GXYLT1: variants seen among roughly 807,000 people sequenced by gnomAD.
GXYLT1 encodes the protein glycosyltransferase 8 domain containing 3.
A neutral mutation model predicts 54.0 loss-of-function variants in GXYLT1; 29 were observed. The ratio of observed to expected loss-of-function variants is 0.54; its 90% confidence interval spans 0.40 to 0.73. The LOEUF (loss-of-function observed/expected upper bound fraction) is 0.73. Ranked by LOEUF, GXYLT1 falls within the 30% of genes least tolerant of loss-of-function variation. The pLI is 0.00. For synonymous variants in GXYLT1, 176 were observed against 204.1 expected, an observed-to-expected ratio of 0.86 and a Z score of 1.17; for missense variants, 490 against 553.4, an observed-to-expected ratio of 0.89 and a Z score of 1.15.
intron 2 of GXYLT1, among the ~76,000 whole-genome samples, chr12:42,122,627 A>C (rs1267249085): frequency 2.0e-5 from 3 of 152,272 alleles, no homozygotes; most frequent in African/African-American, 7.2e-5. Flanking sequence ...TCAAAAAATG[A>C]TATTAAATAA....
chr12:42,105,241 C>G (rs762626181), intron 5 of GXYLT1, among the ~76,000 whole-genome samples: 19 of 152,204 alleles, frequency 1.2e-4, no homozygotes, highest in Non-Finnish European at 2.1e-4. Flanking sequence ...AATAGTCTGA[C>G]TTTTCTACTG....
intron 5 of GXYLT1, among the ~76,000 whole-genome samples, chr12:42,099,314 G>A (rs1215871324): frequency 6.6e-6 from 1 of 152,134 alleles, no homozygotes; most frequent in Non-Finnish European, 1.5e-5. Context: ...AGCCAGCACA[G>A]TAAATGGTTT....
intron 3 of GXYLT1, among the ~76,000 whole-genome samples, chr12:42,117,689 C>T (rs2065505203): frequency 6.6e-6 from 1 of 152,148 alleles, no homozygotes; most frequent in Non-Finnish European, 1.5e-5. Flanking sequence ...CATCTCAGAA[C>T]AAAAGGTAGT....
At chr12:42,091,357 C>T (rs2065328273) in intron 7 of GXYLT1, among the ~76,000 whole-genome samples, 1 of 151,966 alleles carries the variant, frequency 6.6e-6, no homozygotes, top group African/African-American at 2.4e-5. Context: ...AAGGTACACA[C>T]TTATAAACCA....
intron 1 of GXYLT1, among the ~76,000 whole-genome samples, chr12:42,130,071 T>C (rs1238208344): frequency 2.6e-5 from 4 of 152,208 alleles, no homozygotes; most frequent in African/African-American, 4.8e-5. Context: ...TAGACTATAC[T>C]ATAGATTGGG....
chr12:42,129,589 T>C (rs926470520), intron 2 of GXYLT1, among the ~76,000 whole-genome samples, 170 bp downstream of exon 2: 1 of 152,022 alleles, frequency 6.6e-6, no homozygotes, highest in Admixed American at 6.6e-5. Flanking sequence ...CAGTATGTAC[T>C]AAAAAATAGC....
chr12:42,115,644 T>C (rs1463589829), intron 3 of GXYLT1, among the ~76,000 whole-genome samples: 2 of 151,892 alleles, frequency 1.3e-5, no homozygotes, highest in African/African-American at 2.4e-5. Context: ...TACAAACAAA[T>C]GGAAGAACAT....
intron 2 of GXYLT1, among the ~76,000 whole-genome samples, chr12:42,121,021 C>T (rs986172929): frequency 6.6e-6 from 1 of 152,138 alleles, no homozygotes; most frequent in African/African-American, 2.4e-5. Flanking sequence ...AAAGAGGGGA[C>T]ATGAATCCAG....
At chr12:42,134,137 C>A (rs1315297884) in intron 1 of GXYLT1, among the ~76,000 whole-genome samples, 4 of 151,784 alleles carry the variant, frequency 2.6e-5, no homozygotes, top group African/African-American at 9.7e-5. Flanking sequence ...GAGTTTGAGG[C>A]TACAGTGAAT....
intron 5 of GXYLT1, among the ~76,000 whole-genome samples, chr12:42,105,506 G>T (rs1355413366): frequency 6.6e-6 from 1 of 152,090 alleles, no homozygotes; most frequent in African/African-American, 2.4e-5. Flanking sequence ...TGTATTCTAT[G>T]AATGTACAAC....
chr12:42,123,674 T>C (rs1478449912), intron 2 of GXYLT1, among the ~76,000 whole-genome samples: 3 of 152,116 alleles, frequency 2.0e-5, no homozygotes, highest in Admixed American at 6.5e-5. Flanking sequence ...TGTGTTCTTA[T>C]AGCCTATTAT....
At chr12:42,128,711 G>GT (rs1355320415) in intron 2 of GXYLT1, among the ~76,000 whole-genome samples, 1 of 152,064 alleles carries the variant, frequency 6.6e-6, no homozygotes, top group Non-Finnish European at 1.5e-5. Flanking sequence ...TATTTTATTT[G>GT]TTTTTTTGAG....
intron 1 of GXYLT1, among the ~76,000 whole-genome samples, chr12:42,138,825 A>T (rs985051798): frequency 6.6e-6 from 1 of 152,058 alleles, no homozygotes; most frequent in African/African-American, 2.4e-5. Context: ...GTTCAAGACC[A>T]ACCAGGCTGG....
rs761943693 is a variant in GXYLT1 at position 42,087,796 on chromosome 12, T to C, written c.1313A>G (p.Lys438Arg). Residue 438 changes from lysine to arginine, a missense_variant, in exon 8 of 8, where the codon AAG becomes AGG. Around this residue, in one of 2 missense-constraint regions of GXYLT1, gnomAD observed 342 missense variants for 342.6 expected, o/e 1.00. Transcript: ENST00000398675. The part of the protein sequence containing the change: ...SVRDRYARSP[K>R]EK ...AGCAGTCACCAAGAATCACTTTTCC[T>C]TTGGTGATCTGGCATAACGATCTCT... 1.6e-5 allele frequency: 26 copies of C among 1,599,790 alleles called. No individual in the cohort carries two copies. In the Admixed American group the frequency reaches 4.5e-4, roughly 28 times the overall value.
At chr12:42,133,778 T>C (rs2065605216) in intron 1 of GXYLT1, among the ~76,000 whole-genome samples, 2 of 152,208 alleles carry the variant, frequency 1.3e-5, no homozygotes, top group Admixed American at 6.5e-5. Flanking sequence ...ACATGGATCA[T>C]ACTGTCTAGT....
chr12:42,108,702 T>C (rs1336642000), intron 4 of GXYLT1, among the ~76,000 whole-genome samples: 3 of 152,174 alleles, frequency 2.0e-5, no homozygotes, highest in African/African-American at 7.2e-5. Flanking sequence ...TATAACTTAA[T>C]CTTACAGATA....
chr12:42,115,179 GA>G (rs2065485960), intron 3 of GXYLT1, among the ~76,000 whole-genome samples: 1 of 152,132 alleles, frequency 6.6e-6, no homozygotes, highest in Non-Finnish European at 1.5e-5. Flanking sequence ...ATATCATACT[GA>G]ATGGGCAAAA....
rs138936264 is a variant in GXYLT1 at position 42,109,786 on chromosome 12, T to C, written c.487-95A>G. 748 of 728,440 alleles carry C rather than the reference T, an allele frequency of 1.0e-3. 1 individual carries two copies. The highest frequency in any genetic ancestry group is 1.4e-3 in the Non-Finnish European group (649 of 451,930). The allele number at this position is 728,440 out of a possible 1,614,324, so 45.1% of individuals were successfully genotyped here. ...ATTATAAAACAAAAGAGCTAAAAAT[T>C]AAGATAATATACATTTTATGCTGTA... On this transcript the variant is annotated intron_variant, in intron 3 of 7. Transcript: ENST00000398675.
rs1169103886 is a variant in GXYLT1, at chr12:42,144,393, C to G, written c.221+33G>C. 3.8e-6 allele frequency: 5 copies of G among 1,330,310 alleles called. No homozygotes were observed. In the East Asian group the frequency reaches 1.8e-4, roughly 47 times the overall value. The allele number at this position is 1,330,310 out of a possible 1,614,324, so 82.4% of individuals were successfully genotyped here. Reference sequence around the variant, plus strand: ...GAGCCCGCGCCCAGCGCCCCGCGCCCGCCGCGTCCCCCACACCGGGAACTG... The same window carrying G: ...GAGCCCGCGCCCAGCGCCCCGCGCCGGCCGCGTCCCCCACACCGGGAACTG... On this transcript the variant is annotated intron_variant, in intron 1 of 7. Transcript: ENST00000398675.
Sources: gnomAD v4.1 joint callset for allele counts (sites outside exome capture counted in the v4.1 genomes callset) on GRCh38, gnomAD v4.1.1 for gene constraint, gnomAD v4.1.1 regional missense constraint, MANE v1.5 for transcripts, NCBI Gene and HGNC (gene_info 2026-07-23, HGNC 2026-07-21) for gene names.